The following SELENON variants were observed in gnomAD, a reference collection of about 807,000 sequenced individuals.
SELENON encodes the protein selenoprotein N, 1.
Under a neutral mutation model 59.5 loss-of-function variants are expected in SELENON, and 44 were observed. That is an observed-to-expected ratio of 0.74 (90% confidence interval 0.58 to 0.95). The LOEUF (loss-of-function observed/expected upper bound fraction) is 0.95, where lower values mean the gene tolerates loss of function less well. Among genes scored for constraint, SELENON ranks in the 40% least tolerant of loss-of-function variants. The pLI is 0.00. For missense variants in SELENON, 674 were observed against 721.4 expected (o/e 0.93, Z 0.75); for synonymous variants, 320 against 305.6 (o/e 1.05, Z -0.49).
Position 25,801,118 on chromosome 1 carries a change from A to C in SELENON, c.259A>C (p.Ile87Leu). ...CTTGGACACTGACGGGGATATGTAC[A>C]TCAGCCCTGAGGAGTTCAAACCCAT... The change falls in exon 2 of 13, where the codon ATC becomes CTC. Residue 87 changes from isoleucine (I) to leucine (L), a missense_variant. Physicochemically the swap from Ile to Leu is conservative, Grantham distance 5. Coordinates refer to ENST00000361547, the MANE Select transcript of SELENON (RefSeq NM_020451.3). 6.2e-7 allele frequency: 1 copy of C among 1,614,162 alleles called. No homozygotes were observed. Among genetic ancestry groups the C allele is most frequent in the Non-Finnish European group, 8.5e-7 (1 of 1,180,018 alleles).
intron 9 of SELENON, among the ~76,000 whole-genome samples, chr1:25,812,182 G>T (rs866921644): frequency 2.4e-4 from 36 of 152,114 alleles, no homozygotes; most frequent in African/African-American, 7.7e-4. Flanking sequence ...ATCTACAAAA[G>T]AATTTTTTTA....
intron 5 of SELENON, 34 bp from the exon 5 acceptor site, chr1:25,808,992 C>T (rs2047934682): frequency 6.2e-7 from 1 of 1,613,094 alleles, no homozygotes; most frequent in Non-Finnish European, 8.5e-7. Context: ...CAGCGGGACC[C>T]AGCAAGCCAG....
In SELENON at chr1:25,805,295, C is replaced by T. The variant is rs1455772854; in HGVS notation, c.537+20C>T. On this transcript the variant is annotated intron_variant, in intron 4 of 12. Transcript: ENST00000361547. ...CTAGGGGTGAGTTGGGGACCACAGGCAGTGGGGTCATCTGTGTGTATCCCG... is the reference window on the plus strand; with the variant it reads ...CTAGGGGTGAGTTGGGGACCACAGGTAGTGGGGTCATCTGTGTGTATCCCG... 1 of 1,613,726 alleles carries T rather than the reference C, an allele frequency of 6.2e-7. No individual in the cohort carries two copies. Among genetic ancestry groups the T allele is most frequent in the African/African-American group, 1.3e-5 (1 of 74,934 alleles).
chr1:25,813,997 A>G lies in SELENON; in HGVS notation c.1500+4A>G, dbSNP rs753345074. On this transcript the variant is annotated splice_donor_region_variant and intron_variant, in intron 11 of 12. Transcript: ENST00000361547. ...GAAGGAGCTGGAGGAACTGCAGGTGAGCGGGCAGGTGGCAGGAACAGGAGC... is the reference window on the plus strand; with the variant it reads ...GAAGGAGCTGGAGGAACTGCAGGTGGGCGGGCAGGTGGCAGGAACAGGAGC... 1 of 1,613,704 alleles carries G rather than the reference A, an allele frequency of 6.2e-7. No individual in the cohort carries two copies. The highest frequency in any genetic ancestry group is 1.1e-5 in the South Asian group (1 of 91,074).
At chr1:25,805,859 G>A (rs2047902012) in intron 4 of SELENON, among the ~76,000 whole-genome samples, 1 of 152,184 alleles carries the variant, frequency 6.6e-6, no homozygotes, top group Non-Finnish European at 1.5e-5. Flanking sequence ...CCCAACCCAA[G>A]GCCCTTTGGA....
chr1:25,815,822 A>C lies in SELENON; in HGVS notation c.*104A>C. ...TGCCGCCCACTCCCACCCCACTCCT[A>C]GGCTGCCTTGGAGGGTACAAGATCC... On this transcript the variant is annotated 3_prime_UTR_variant, in exon 13 of 13. Transcript: ENST00000361547. 7.9e-7 allele frequency: 1 copy of C among 1,265,380 alleles called. No individual in the cohort carries two copies. The highest frequency in any genetic ancestry group is 1.1e-6 in the Non-Finnish European group (1 of 890,964). The allele number at this position is 1,265,380 out of a possible 1,614,324, so 78.4% of individuals were successfully genotyped here.
In SELENON at chr1:25,808,621, C is replaced by A; in HGVS notation, c.579C>A (p.Ala193=). 1.2e-6 allele frequency: 2 copies of A among 1,613,820 alleles called. No individual in the cohort carries two copies. Among genetic ancestry groups the A allele is most frequent in the Admixed American group, 1.7e-5 (1 of 60,026 alleles). The change falls in exon 5 of 13, where the codon GCC becomes GCA. Residue 193 remains alanine, a synonymous_variant. Transcript: ENST00000361547. ...TGTCCGGCCTCCGAAACTGGACAGC[C>A]GCCGCCTCACCAAGTGCAGTGTTTG...
intron 7 of SELENON, 97 bp downstream of exon 6, chr1:25,809,917 TC>T: frequency 6.8e-7 from 1 of 1,476,372 alleles, no homozygotes; most frequent in Non-Finnish European, 9.4e-7. Context: ...CTCTGCCCCT[TC>T]CTTTGCTCCC....
Position 25,813,903 on chromosome 1 carries a change from G to C in SELENON, c.1410G>C (p.Glu470Asp). 3 of 1,614,066 alleles carry C rather than the reference G, an allele frequency of 1.9e-6. No homozygotes were observed. The highest frequency in any genetic ancestry group is 2.5e-6 in the Non-Finnish European group (3 of 1,179,992). Reference sequence around the variant, plus strand: ...CAGGTTCAGGGCGGACTCTCCGGGAGACTGTCCTGGAAAGTTCGCCCATCC... The same window carrying C: ...CAGGTTCAGGGCGGACTCTCCGGGACACTGTCCTGGAAAGTTCGCCCATCC... Residue 470 changes from glutamate (E) to aspartate (D), a missense_variant, in exon 11 of 13, where the codon GAG becomes GAC. By Grantham distance (45) the Glu-to-Asp change is conservative. Transcript: ENST00000361547.
intron 7 of SELENON, 96 bp from the exon 7 acceptor site, chr1:25,811,358 C>A: frequency 9.0e-7 from 1 of 1,111,628 alleles, no homozygotes; most frequent in Non-Finnish European, 1.4e-6. Flanking sequence ...GTGTCCTCAT[C>A]TGGAAAGTGG....
At chr1:25,805,026 C>T in intron 3 of SELENON, 116 bp from the exon 3 acceptor site, 1 of 1,386,466 alleles carries the variant, frequency 7.2e-7, no homozygotes, top group South Asian at 1.2e-5. Context: ...CTGTTAACAC[C>T]CCAGCTACCC....
rs746918551 is a variant in SELENON at position 25,801,993 on chromosome 1, C to CT, written c.302-8dup. 3,798 of 225,672 alleles carry CT rather than the reference C, an allele frequency of 0.017. 1 individual carries two copies. The highest frequency in any genetic ancestry group is 0.041 in the South Asian group (980 of 23,758). 14.0% of individuals were successfully genotyped at this position (225,672 alleles called of 1,614,324 possible). On this transcript the variant is annotated intron_variant, in intron 2 of 12. Transcript: ENST00000361547. ...GATTTCCAATAGACAGCAGCTATAACTTTTTTTTTTTTTTTGAGACAGGGT... is the reference window on the plus strand; with the variant it reads ...GATTTCCAATAGACAGCAGCTATAACTTTTTTTTTTTTTTTTGAGACAGGGT...
At chr1:25,812,128 G>A (rs1019289835) in intron 9 of SELENON, among the ~76,000 whole-genome samples, 35 of 152,258 alleles carry the variant, frequency 2.3e-4, no homozygotes, top group African/African-American at 7.5e-4. Context: ...ATCACTTGTG[G>A]CCAGGAGTTC....
intron 9 of SELENON, 123 bp from the exon 9 acceptor site, chr1:25,812,560 CACAA>C (rs201110629): frequency 0.012 from 7,179 of 593,538 alleles, 29 homozygotes; most frequent in Non-Finnish European, 0.016. Flanking sequence ...TATGCCTACA[CACAA>C]ACACACACAC....
chr1:25,805,394 T>C, intron 4 of SELENON, 119 bp downstream of exon 3: 1 of 1,397,678 alleles, frequency 7.2e-7, no homozygotes, highest in Non-Finnish European at 1.0e-6. Context: ...GCCCTGGAGG[T>C]CCATGTGCGG....
At chr1:25,811,412 A>G (rs1184270052) in intron 7 of SELENON, 42 bp from the exon 7 acceptor site, 1 of 1,510,720 alleles carries the variant, frequency 6.6e-7, no homozygotes, top group South Asian at 1.1e-5. Flanking sequence ...GACACAGATA[A>G]TGGGCTTTGA....
At chr1:25,802,665 A>G (rs556886667) in intron 3 of SELENON, among the ~76,000 whole-genome samples, 29 of 152,224 alleles carry the variant, frequency 1.9e-4, no homozygotes, top group Non-Finnish European at 4.0e-4. Flanking sequence ...CTCCTATTCC[A>G]TTCTTGCTAT....
At chr1:25,801,253 C>A in intron 2 of SELENON, 93 bp downstream of exon 2, 1 of 995,136 alleles carries the variant, frequency 1.0e-6, no homozygotes, top group Non-Finnish European at 1.6e-6. Flanking sequence ...GAGGGAAGCT[C>A]GTGGGATCTC....
chr1:25,812,711 GC>G lies in SELENON; in HGVS notation c.1308del (p.Phe437SerfsTer?). 1.9e-6 allele frequency: 3 copies of G among 1,612,584 alleles called. No homozygotes were observed. Among genetic ancestry groups the G allele is most frequent in the Non-Finnish European group, 2.5e-6 (3 of 1,179,766 alleles). Reference sequence around the variant, plus strand: ...GGTCTCCTACTTGCCGTTCACTGAGGCCTTCGACCGAGCCAAGGCTGAGAAC... The same window carrying G: ...GGTCTCCTACTTGCCGTTCACTGAGGCTTCGACCGAGCCAAGGCTGAGAAC... On this transcript the variant is annotated frameshift_variant, in exon 10 of 13. Coordinates refer to ENST00000361547, the MANE Select transcript of SELENON (RefSeq NM_020451.3). LOFTEE classifies it high-confidence loss of function.
Sources: allele counts gnomAD v4.1 joint callset (sites outside exome capture counted in the v4.1 genomes callset), GRCh38; gene constraint gnomAD v4.1.1; transcripts MANE v1.5; gene names NCBI Gene and HGNC (gene_info 2026-07-23, HGNC 2026-07-21).